GJA8: variants seen among roughly 807,000 people sequenced by gnomAD.
GJA8 encodes gap junction alpha-8 protein.
In GJA8, 13 loss-of-function variants were observed where a neutral mutation model predicts 15.3. The observed-to-expected ratio is 0.85, with a 90% confidence interval of 0.55 to 1.35. GJA8 has a LOEUF of 1.35. Among genes scored for constraint, GJA8 ranks in the 40% most tolerant of loss-of-function variants. The pLI, the probability that GJA8 is intolerant of heterozygous loss-of-function variation, is 0.00. For synonymous variants in GJA8, 304 were observed against 238.7 expected (o/e 1.27, Z -2.52); for missense variants, 607 against 553.3 (o/e 1.10, Z -0.97).
intron 1 of GJA8, among the ~76,000 whole-genome samples, chr1:147,904,909 G>C (rs1487958660): frequency 2.0e-5 from 3 of 152,128 alleles, no homozygotes; most frequent in Non-Finnish European, 4.4e-5. Context: ...ACATGGGCTT[G>C]TTTGGCTTTG....
chr1:147,908,835 G>A lies in GJA8; in HGVS notation c.880G>A (p.Ala294Thr), dbSNP rs1268827253. 2 of 1,614,064 alleles carry A rather than the reference G, an allele frequency of 1.2e-6. No homozygotes were observed. Among genetic ancestry groups the A allele is most frequent in the Non-Finnish European group, 1.7e-6 (2 of 1,180,044 alleles). ...GATGGTGGAGACCAGCCCACTGCCT[G>A]CCAAGCCTTTCAATCAGTTCGAGGA... The part of the protein sequence containing the change: ...VGMVETSPLP[A>T]KPFNQFEEKI... Residue 294 changes from alanine (A) to threonine (T), a missense_variant, in exon 2 of 2, where the codon GCC (alanine) becomes ACC (threonine). By Grantham distance (58) the Ala-to-Thr change is moderately conservative. Transcript: ENST00000369235.
downstream of GJA8, among the ~76,000 whole-genome samples, chr1:147,909,928 C>A (rs1652039153): frequency 6.6e-6 from 1 of 152,146 alleles, no homozygotes; most frequent in Non-Finnish European, 1.5e-5. Flanking sequence ...GGCACAATCT[C>A]AGCTCACTGC....
In GJA8 at chr1:147,909,093, G is replaced by C. The variant is rs782369448; in HGVS notation, c.1138G>C (p.Glu380Gln). ...EKVETPGVDK[E>Q]GEKEEPQSEK... ...AGTAGAGACCCCCGGAGTGGATAAG[G>C]AGGGTGAAAAAGAAGAGCCGCAGTC... The change falls in exon 2 of 2, where the codon GAG becomes CAG. Residue 380 changes from glutamate to glutamine, a missense_variant. Glu to Gln is a conservative substitution (Grantham distance 29). Transcript: ENST00000369235. 30 of 1,612,750 alleles carry C rather than the reference G, an allele frequency of 1.9e-5. No homozygotes were observed. The highest frequency in any genetic ancestry group is 2.2e-5 in the Non-Finnish European group (26 of 1,179,336).
At chr1:147,905,123 T>C (rs1424339968) in intron 1 of GJA8, among the ~76,000 whole-genome samples, 1 of 152,202 alleles carries the variant, frequency 6.6e-6, no homozygotes, top group East Asian at 1.9e-4. Context: ...TTCTTAATTT[T>C]TCTGCTGTTA....
Position 147,908,294 on chromosome 1 carries a change from G to C in GJA8, c.339G>C (p.Glu113Asp), listed in dbSNP as rs782232746. ...EEKRKSREAE[E>D]LGQQAGTNGG... The stretch of plus-strand genomic sequence containing the variant: ...AGCGCAAAAGCCGCGAGGCGGAGGA[G>C]CTGGGCCAGCAGGCGGGGACTAACG... The change falls in exon 2 of 2, where the codon GAG becomes GAC. Residue 113 changes from glutamate to aspartate, a missense_variant. Glu to Asp is a conservative substitution (Grantham distance 45). Transcript: ENST00000369235. 2.1e-5 allele frequency: 34 copies of C among 1,614,052 alleles called. No individual in the cohort carries two copies. The highest frequency in any genetic ancestry group is 5.0e-5 in the Admixed American group (3 of 60,010).
intron 1 of GJA8, among the ~76,000 whole-genome samples, chr1:147,907,066 T>C (rs967868631): frequency 2.6e-5 from 4 of 151,930 alleles, no homozygotes; most frequent in African/African-American, 9.7e-5. Flanking sequence ...TTAAAGTTTT[T>C]TGTAGAGATG....
In GJA8 at chr1:147,909,104, A is replaced by G; in HGVS notation, c.1149A>G (p.Lys383=). Residue 383 remains lysine, a synonymous_variant, in exon 2 of 2, where the codon AAA becomes AAG. Coordinates refer to ENST00000369235, the MANE Select transcript of GJA8 (RefSeq NM_005267.5). ...CCGGAGTGGATAAGGAGGGTGAAAA[A>G]GAAGAGCCGCAGTCGGAGAAGGTGT... is the stretch of plus-strand genomic sequence containing the variant. ...ETPGVDKEGE[K]EEPQSEKVSK... is the part of the protein sequence containing the mutation. 1 of 1,613,410 alleles carries G rather than the reference A, an allele frequency of 6.2e-7. No individual in the cohort carries two copies.
At position 147,908,924 on chromosome 1, in the gene GJA8, C is replaced by T. The variant is rs782725212; in HGVS notation, c.969C>T (p.Tyr323=). The T allele has an allele frequency of 2.6e-5, 42 of 1,611,904 alleles. No individual in the cohort carries two copies. The highest frequency in any genetic ancestry group is 8.4e-5 in the Admixed American group (5 of 59,862). ...SRGYQETLPS[Y]AQVGAQEVEG... ...GCTACCAAGAGACACTGCCTTCCTA[C>T]GCTCAGGTGGGGGCACAAGAAGTGG... Residue 323 remains tyrosine, a synonymous_variant, in exon 2 of 2, where the codon TAC becomes TAT. Coordinates refer to ENST00000369235, the MANE Select transcript of GJA8 (RefSeq NM_005267.5).
At chr1:147,907,298 C>T (rs1553242397) in intron 1 of GJA8, among the ~76,000 whole-genome samples, 1 of 152,172 alleles carries the variant, frequency 6.6e-6, no homozygotes, top group African/African-American at 2.4e-5. Flanking sequence ...ATAAGACAGG[C>T]ATGGCTCCTA....
Position 147,907,990 on chromosome 1 carries a change from A to C in GJA8, c.35A>C (p.Glu12Ala). Reference sequence around the variant, plus strand: ...TGGAGTTTCCTGGGGAACATCTTGGAGGAGGTGAATGAGCACTCCACCGTC... The same window carrying C: ...TGGAGTTTCCTGGGGAACATCTTGGCGGAGGTGAATGAGCACTCCACCGTC... Reference protein sequence around the residue: ...GDWSFLGNILEEVNEHSTVIG... With the variant: ...GDWSFLGNILAEVNEHSTVIG... Residue 12 changes from glutamate (E) to alanine (A), a missense_variant, in exon 2 of 2, where the codon GAG becomes GCG. Coordinates refer to ENST00000369235, the MANE Select transcript of GJA8 (RefSeq NM_005267.5). 1 of 1,613,880 alleles carries C rather than the reference A, an allele frequency of 6.2e-7. No individual in the cohort carries two copies. Among genetic ancestry groups the C allele is most frequent in the South Asian group, 1.1e-5 (1 of 91,074 alleles).
chr1:147,909,232 C>T lies in GJA8; in HGVS notation c.1277C>T (p.Ala426Val). Residue 426 changes from alanine to valine, a missense_variant, in exon 2 of 2, where the codon GCC (alanine) becomes GTC (valine). By Grantham distance (64) the Ala-to-Val change is moderately conservative (BLOSUM62 0). Transcript: ENST00000369235. ...LSRLSKASSRARSDDLTV is the reference protein window; with the variant it reads ...LSRLSKASSRVRSDDLTV ...AGGCTAAGCAAAGCCAGCAGCCGAG[C>T]CAGGTCAGACGATCTAACCGTATGA... The T allele has an allele frequency of 6.2e-7, 1 of 1,604,290 alleles. No homozygotes were observed. The highest frequency in any genetic ancestry group is 8.5e-7 in the Non-Finnish European group (1 of 1,173,288).
downstream of GJA8, among the ~76,000 whole-genome samples, chr1:147,913,514 C>T (rs28689616): frequency 0.048 from 7,372 of 152,234 alleles, 288 homozygotes; most frequent in East Asian, 0.15. Context: ...AAGCGTCAAC[C>T]CCTGAGATAA....
chr1:147,906,628 G>A (rs115514588), intron 1 of GJA8, among the ~76,000 whole-genome samples: 1 of 152,254 alleles, frequency 6.6e-6, no homozygotes, highest in African/African-American at 2.4e-5. Context: ...ATTTAAAAGA[G>A]TAATAATAAA....
intron 1 of GJA8, among the ~76,000 whole-genome samples, chr1:147,903,385 A>G (rs1651677101): frequency 6.6e-6 from 1 of 152,206 alleles, no homozygotes; most frequent in East Asian, 1.9e-4. Context: ...TTGTCTATCT[A>G]TGAGAACTGC....
Position 147,908,230 on chromosome 1 carries a change from A to G in GJA8, c.275A>G (p.Tyr92Cys). The G allele has an allele frequency of 6.2e-7, 1 of 1,614,198 alleles. No homozygotes were observed. Reference protein sequence around the residue: ...IIFVSTPSLMYVGHAVHYVRM... With the variant: ...IIFVSTPSLMCVGHAVHYVRM... ...TTCGTCTCCACCCCGTCCCTGATGT[A>G]CGTGGGGCACGCGGTGCACTACGTC... Residue 92 changes from tyrosine (Y) to cysteine (C), a missense_variant, in exon 2 of 2, where the codon TAC (tyrosine) becomes TGC (cysteine). Coordinates refer to ENST00000369235, the MANE Select transcript of GJA8 (RefSeq NM_005267.5).
Position 147,908,759 on chromosome 1 carries a change from C to G in GJA8, c.804C>G (p.Leu268=). The change falls in exon 2 of 2, where the codon CTC becomes CTG. Residue 268 remains leucine (L), a synonymous_variant. Coordinates refer to ENST00000369235, the MANE Select transcript of GJA8 (RefSeq NM_005267.5). Reference sequence around the variant, plus strand: ...TCCAGAAAGCCAAGGGCTATCAGCTCCTAGAAGAAGAGAAAATCGTTTCCC... The same window carrying G: ...TCCAGAAAGCCAAGGGCTATCAGCTGCTAGAAGAAGAGAAAATCGTTTCCC... ...SSIQKAKGYQ[L]LEEEKIVSHY... is the part of the protein sequence containing the mutation. 6.2e-7 allele frequency: 1 copy of G among 1,614,078 alleles called. No homozygotes were observed. Among genetic ancestry groups the G allele is most frequent in the Non-Finnish European group, 8.5e-7 (1 of 1,179,974 alleles).
downstream of GJA8, among the ~76,000 whole-genome samples, chr1:147,911,555 A>G (rs1553243470): frequency 1.3e-5 from 2 of 152,142 alleles, no homozygotes; most frequent in African/African-American, 4.8e-5. Flanking sequence ...GAGGCACGTG[A>G]TTTTCTGGCT....
rs1390673372 is a variant in GJA8, at chr1:147,908,876, A to G, written c.921A>G (p.Gly307=). Residue 307 remains glycine, a synonymous_variant, in exon 2 of 2, where the codon GGA becomes GGG. Transcript: ENST00000369235. ...FNQFEEKIST[G]PLGDLSRGYQ... Reference sequence around the variant, plus strand: ...AGTTCGAGGAGAAGATCAGCACAGGACCCCTGGGGGACTTGTCCCGGGGCT... The same window carrying G: ...AGTTCGAGGAGAAGATCAGCACAGGGCCCCTGGGGGACTTGTCCCGGGGCT... The G allele has an allele frequency of 6.2e-7, 1 of 1,613,950 alleles. No individual in the cohort carries two copies. The highest frequency in any genetic ancestry group is 8.5e-7 in the Non-Finnish European group (1 of 1,179,994).
chr1:147,912,530 G>A (rs942125425), downstream of GJA8, among the ~76,000 whole-genome samples: 11 of 152,148 alleles, frequency 7.2e-5, no homozygotes, highest in Admixed American at 6.5e-5. Flanking sequence ...GCAGCTGCAT[G>A]TCTGTGGTGG....
Sources: gnomAD v4.1 joint callset for allele counts (sites outside exome capture counted in the v4.1 genomes callset) on GRCh38, gnomAD v4.1.1 for gene constraint, MANE v1.5 for transcripts, NCBI Gene and HGNC (gene_info 2026-07-23, HGNC 2026-07-21) for gene names.